The following COPE variants were observed in gnomAD, a reference collection of about 807,000 sequenced individuals.
The protein encoded by COPE is coatomer subunit epsilon.
COPE carries 19 observed loss-of-function variants against 42.1 expected under a neutral mutation model. The ratio of observed to expected loss-of-function variants is 0.45; its 90% CI spans 0.31 to 0.66. The LOEUF is 0.66. Among genes scored for constraint, COPE ranks in the 30% least tolerant of loss-of-function variants. COPE has a pLI of 0.05. For synonymous variants in COPE, 195 were observed against 181.3 expected, an observed-to-expected ratio of 1.08 and a Z score of -0.60; for missense variants, 402 against 416.1, an observed-to-expected ratio of 0.97 and a Z score of 0.30.
At chr19:18,902,769 G>A (rs867909067) in intron 7 of COPE, among the ~76,000 whole-genome samples, 301 of 20,862 alleles carry the variant, frequency 0.014, 40 homozygotes, top group Middle Eastern at 0.077. Flanking sequence ...GGAAGGAAGG[G>A]AAAGAAGGAA....
chr19:18,918,864 G>C (rs903645260), intron 1 of COPE, among the ~76,000 whole-genome samples: 14 of 152,166 alleles, frequency 9.2e-5, no homozygotes, highest in African/African-American at 3.1e-4. Context: ...GTCCTTCTCT[G>C]AACTTTAGGG....
At chr19:18,905,136 G>A (rs2056746582) in intron 5 of COPE, among the ~76,000 whole-genome samples, 1 of 152,180 alleles carries the variant, frequency 6.6e-6, no homozygotes, top group Non-Finnish European at 1.5e-5. Flanking sequence ...ACGCAGGGAA[G>A]GGCAACGGAA....
chr19:18,919,161 G>T, intron 1 of COPE, 62 bp downstream of exon 1: 3 of 1,541,384 alleles, frequency 1.9e-6, no homozygotes, highest in South Asian at 1.2e-5. Flanking sequence ...CGCGGCTCGC[G>T]GCCACCAGAA....
intron 3 of COPE, chr19:18,910,747 C>T (rs906223140): frequency 3.4e-6 from 2 of 587,434 alleles, no homozygotes; most frequent in African/African-American, 1.9e-5. Context: ...ACACACAGCA[C>T]TGTCTCTGAC....
chr19:18,907,221 G>GCTGCTGCTCTGCACCCCCA, intron 3 of COPE, 109 bp from the exon 4 acceptor site: 1 of 1,225,364 alleles, frequency 8.2e-7, no homozygotes, highest in Non-Finnish European at 1.1e-6. Flanking sequence ...GCCAGGCCCT[G>GCTGCTGCTCTGCACCCCCA]GGGGTGCAGA....
At chr19:18,909,538 T>A (rs867234944) in intron 3 of COPE, among the ~76,000 whole-genome samples, 20 of 121,832 alleles carry the variant, frequency 1.6e-4, no homozygotes, top group Admixed American at 1.4e-3. Context: ...TTTTTTTTTT[T>A]AAGACAGTCT....
chr19:18,908,843 T>A (rs2056784606), intron 3 of COPE, among the ~76,000 whole-genome samples: 1 of 151,718 alleles, frequency 6.6e-6, no homozygotes, highest in Non-Finnish European at 1.5e-5. Flanking sequence ...CTAAAAAATA[T>A]ACAAATTAGC....
chr19:18,916,586 C>T (rs746353722), intron 1 of COPE, among the ~76,000 whole-genome samples: 1 of 151,798 alleles, frequency 6.6e-6, no homozygotes, highest in Non-Finnish European at 1.5e-5. Context: ...TCAGGAGTTA[C>T]AGACGAGCCT....
intron 5 of COPE, among the ~76,000 whole-genome samples, chr19:18,905,122 TG>T (rs2056746397): frequency 6.6e-6 from 1 of 151,908 alleles, no homozygotes; most frequent in Non-Finnish European, 1.5e-5. Context: ...CCATGGAGGA[TG>T]GAACGCAGGG....
chr19:18,916,654 GGCACAC>G (rs2056856205), intron 1 of COPE, among the ~76,000 whole-genome samples: 2 of 151,860 alleles, frequency 1.3e-5, no homozygotes, highest in Admixed American at 1.3e-4. Flanking sequence ...TGGGTGTGGT[GGCACAC>G]GCCTGTAGTC....
chr19:18,917,232 T>C (rs1264358916), intron 1 of COPE, among the ~76,000 whole-genome samples: 1 of 128,250 alleles, frequency 7.8e-6, no homozygotes, highest in Non-Finnish European at 1.7e-5. Context: ...CTAGAAACAT[T>C]CTTTTTTTCT....
Position 18,900,455 on chromosome 19 carries a change from G to A in COPE, c.736-6C>T. The A allele has an allele frequency of 2.6e-6, 4 of 1,546,312 alleles. No individual in the cohort carries two copies. The highest frequency in any genetic ancestry group is 3.5e-6 in the Non-Finnish European group (4 of 1,144,062). On this transcript the variant is annotated splice_region_variant and splice_polypyrimidine_tract_variant and intron_variant, in intron 7 of 9. Transcript: ENST00000262812. The stretch of plus-strand genomic sequence containing the variant: ...GTCTCTGGGTAGCCACTATCCTGGA[G>A]ACACAGGCAGACACGGGGAGGCAGG...
Position 18,903,437 on chromosome 19 carries a change from C to T in COPE, c.580-14G>A, listed in dbSNP as rs759551090. 1 of 1,593,708 alleles carries T rather than the reference C, an allele frequency of 6.3e-7. No homozygotes were observed. Among genetic ancestry groups the T allele is most frequent in the Non-Finnish European group, 8.6e-7 (1 of 1,168,962 alleles). On this transcript the variant is annotated splice_polypyrimidine_tract_variant and intron_variant, in intron 6 of 9. Coordinates refer to ENST00000262812, the MANE Select transcript of COPE (RefSeq NM_007263.4). ...CTTCTCACCACCCTGCAGGGAGGGTCCCGCATCATTGCCTGTGCCCCTGCT... is the reference window on the plus strand; with the variant it reads ...CTTCTCACCACCCTGCAGGGAGGGTTCCGCATCATTGCCTGTGCCCCTGCT...
At chr19:18,917,241 C>CTTTTTTTTTTTTTTTT (rs531312180) in intron 1 of COPE, among the ~76,000 whole-genome samples, 1 of 110,664 alleles carries the variant, frequency 9.0e-6, no homozygotes, top group Non-Finnish European at 1.9e-5. Context: ...TTCTTTTTTT[C>CTTTTTTTTTTTTTTTT]TTTTTTTTTT....
chr19:18,916,021 T>C (rs1568323647), intron 1 of COPE, among the ~76,000 whole-genome samples: 1 of 152,112 alleles, frequency 6.6e-6, no homozygotes, highest in Non-Finnish European at 1.5e-5. Context: ...GCTTAAAAAA[T>C]GTATTCCTCA....
At chr19:18,901,654 C>T (rs745349515) in intron 7 of COPE, among the ~76,000 whole-genome samples, 3 of 152,218 alleles carry the variant, frequency 2.0e-5, no homozygotes, top group Non-Finnish European at 4.4e-5. Context: ...CTCAGCTGGG[C>T]GCACTGGCGC....
rs1568315690 is a variant in COPE at position 18,903,441 on chromosome 19, C to A, written c.580-18G>T. On this transcript the variant is annotated intron_variant, in intron 6 of 9. Transcript: ENST00000262812. ...TCACCACCCTGCAGGGAGGGTCCCG[C>A]ATCATTGCCTGTGCCCCTGCTGCCC... 1 of 1,590,058 alleles carries A rather than the reference C, an allele frequency of 6.3e-7. No individual in the cohort carries two copies. The highest frequency in any genetic ancestry group is 8.6e-7 in the Non-Finnish European group (1 of 1,166,180).
chr19:18,919,253 C>G lies in COPE; in HGVS notation c.96G>C (p.Gln32His). ...CCCGCTGCGCCTCGTTTATGCACTG[C>G]TGGTAGCTGCCGATGTAGAAGGCGT... ...VKNAFYIGSY[Q>H]QCINEAQRVK... is the part of the protein sequence containing the mutation. The change falls in exon 1 of 10, where the codon CAG (glutamine) becomes CAC (histidine). Residue 32 changes from glutamine to histidine, a missense_variant. Physicochemically the swap from Gln to His is conservative, Grantham distance 24 (BLOSUM62 0). Transcript: ENST00000262812. The G allele has an allele frequency of 6.2e-7, 1 of 1,613,798 alleles. No homozygotes were observed. Among genetic ancestry groups the G allele is most frequent in the Non-Finnish European group, 8.5e-7 (1 of 1,179,988 alleles).
chr19:18,905,763 AGAG>A lies in COPE; in HGVS notation c.444-137_444-135del, dbSNP rs1170641541. 4.9e-4 allele frequency: 394 copies of A among 806,536 alleles called. 3 individuals are homozygous for A. The highest frequency in any genetic ancestry group is 8.8e-5 in the Non-Finnish European group (46 of 520,022). 50.0% of individuals were successfully genotyped at this position (806,536 alleles called of 1,614,324 possible). A position where few individuals can be genotyped will look rare whatever the true frequency, so the allele number is the denominator to read the frequency against. ...CTTAGGACCACCAGCCCCGCCCAGC[AGAG>A]GAGGACACCCTCACTCCCACATTTC... is the stretch of plus-strand genomic sequence containing the variant. On this transcript the variant is annotated intron_variant, in intron 4 of 9. Transcript: ENST00000262812.
Sources: allele counts gnomAD v4.1 joint callset (sites outside exome capture counted in the v4.1 genomes callset), GRCh38; gene constraint gnomAD v4.1.1; transcripts MANE v1.5; gene names NCBI Gene and HGNC (gene_info 2026-07-23, HGNC 2026-07-21).